The following FRMD4A variants were observed in gnomAD, a reference collection of about 807,000 sequenced individuals.
FRMD4A encodes FERM domain-containing protein 4A.
In FRMD4A, 29 loss-of-function variants were observed where a neutral mutation model predicts 129.1. That is an observed-to-expected ratio of 0.22 (90% CI 0.17 to 0.31). The LOEUF is 0.31. Among genes scored for constraint, FRMD4A ranks in the 10% least tolerant of loss-of-function variants. The pLI, the probability that FRMD4A is intolerant of heterozygous loss-of-function variation, is 1.00. For synonymous variants in FRMD4A, 634 were observed against 571.6 expected (o/e 1.11, Z -1.56); for missense variants, 1,272 against 1,375.8 (o/e 0.92, Z 1.19).
intron 2 of FRMD4A, among the ~76,000 whole-genome samples, chr10:13,974,037 T>C (rs1290445652): frequency 7.3e-6 from 1 of 137,688 alleles, no homozygotes; most frequent in East Asian, 2.5e-4. Flanking sequence ...TTTTTTTTTT[T>C]TTCTTTCTGG....
chr10:14,260,104 A>G (rs931570287), intron 2 of FRMD4A, among the ~76,000 whole-genome samples: 1 of 151,864 alleles, frequency 6.6e-6, no homozygotes, highest in Non-Finnish European at 1.5e-5. Flanking sequence ...ATCACTTGAC[A>G]TTGTGCAGGA....
At chr10:13,851,961 C>G (rs997152312) in intron 3 of FRMD4A, among the ~76,000 whole-genome samples, 1 of 151,224 alleles carries the variant, frequency 6.6e-6, no homozygotes, top group African/African-American at 2.4e-5. Context: ...GTGGGACCAT[C>G]TAGTTGCAGG....
intron 9 of FRMD4A, among the ~76,000 whole-genome samples, chr10:13,746,416 T>C (rs965520639): frequency 2.6e-5 from 4 of 152,112 alleles, no homozygotes; most frequent in African/African-American, 7.2e-5. Flanking sequence ...GGTTTCATCA[T>C]GTTGGCCAGG....
intron 2 of FRMD4A, among the ~76,000 whole-genome samples, chr10:13,925,174 C>T (rs1288961237): frequency 6.6e-6 from 1 of 151,242 alleles, no homozygotes; most frequent in African/African-American, 2.4e-5. Flanking sequence ...GCACTTACTT[C>T]TTTCAAGGAA....
chr10:14,248,709 A>T (rs937457757), intron 2 of FRMD4A, among the ~76,000 whole-genome samples: 1 of 152,246 alleles, frequency 6.6e-6, no homozygotes, highest in African/African-American at 2.4e-5. Flanking sequence ...AATGGCCTCC[A>T]ATGCTTGCAT....
chr10:13,799,061 C>G (rs1564822534), intron 4 of FRMD4A, among the ~76,000 whole-genome samples: 3 of 152,254 alleles, frequency 2.0e-5, no homozygotes, highest in Non-Finnish European at 4.4e-5. Context: ...CCTCCTCCGA[C>G]CCTTACAGCA....
intron 2 of FRMD4A, among the ~76,000 whole-genome samples, chr10:14,290,335 A>G (rs2132074036): frequency 6.6e-6 from 1 of 152,238 alleles, no homozygotes; most frequent in African/African-American, 2.4e-5. Flanking sequence ...GTATAATACA[A>G]AGGTATAATA....
rs566300985 is a variant in FRMD4A at position 14,137,312 on chromosome 10, C to G, written c.45+192746G>C. On this transcript the variant is annotated intron_variant, in intron 2 of 24. Transcript: ENST00000357447. Reference sequence around the variant, plus strand: ...TCTGAAACAAGATTTGCAGTCTACACACAAGCACATAGAGCTATTTGATCT... The same window carrying G: ...TCTGAAACAAGATTTGCAGTCTACAGACAAGCACATAGAGCTATTTGATCT... 3.9e-5 allele frequency among the ~76,000 whole-genome samples: 6 copies of G among 152,368 alleles called. No individual in the cohort carries two copies. In the East Asian group the frequency reaches 1.2e-3, roughly 29 times the overall value.
chr10:14,133,665 T>A (rs1839383329), intron 2 of FRMD4A, among the ~76,000 whole-genome samples: 1 of 152,230 alleles, frequency 6.6e-6, no homozygotes, highest in Non-Finnish European at 1.5e-5. Context: ...TTCTGTTCCC[T>A]GTTCTCACTC....
At chr10:14,045,934 C>T (rs1329560471) in intron 2 of FRMD4A, among the ~76,000 whole-genome samples, 2 of 147,014 alleles carry the variant, frequency 1.4e-5, no homozygotes, top group Non-Finnish European at 3.0e-5. Flanking sequence ...TGTATTAATA[C>T]ATATTCAATT....
intron 6 of FRMD4A, among the ~76,000 whole-genome samples, chr10:13,767,535 G>A (rs575047956): frequency 2.0e-5 from 3 of 152,288 alleles, no homozygotes; most frequent in Non-Finnish European, 2.9e-5. Flanking sequence ...CTCCGTGCCC[G>A]GCCAGAGGTG....
chr10:13,934,281 C>G (rs571023238), intron 2 of FRMD4A, among the ~76,000 whole-genome samples: 3 of 152,182 alleles, frequency 2.0e-5, no homozygotes, highest in Admixed American at 6.5e-5. Flanking sequence ...GAGGTGTAGA[C>G]AATCTAGATT....
At chr10:13,855,615 T>C (rs1286896778) in intron 3 of FRMD4A, among the ~76,000 whole-genome samples, 3 of 152,226 alleles carry the variant, frequency 2.0e-5, no homozygotes, top group African/African-American at 7.2e-5. Context: ...GTCTAAGGCT[T>C]ATTACAAATG....
At chr10:13,670,589 TAG>T in intron 16 of FRMD4A, 61 bp from the exon 17 acceptor site, 1 of 1,576,162 alleles carries the variant, frequency 6.3e-7, no homozygotes, top group South Asian at 1.1e-5. Context: ...GTCTGCTTCC[TAG>T]AACACACACA....
At chr10:14,172,791 A>G (rs1386257063) in intron 2 of FRMD4A, among the ~76,000 whole-genome samples, 4 of 152,208 alleles carry the variant, frequency 2.6e-5, no homozygotes, top group Non-Finnish European at 5.9e-5. Flanking sequence ...CTACATGCCC[A>G]GTGAGAACAA....
At chr10:14,244,544 T>C (rs375704850) in intron 2 of FRMD4A, among the ~76,000 whole-genome samples, 40 of 152,334 alleles carry the variant, frequency 2.6e-4, no homozygotes, top group African/African-American at 7.9e-4. Flanking sequence ...GATGTGATAT[T>C]TAAAGGTAGT....
At chr10:14,063,972 AG>A (rs1834936675) in intron 2 of FRMD4A, among the ~76,000 whole-genome samples, 1 of 152,224 alleles carries the variant, frequency 6.6e-6, no homozygotes, top group East Asian at 1.9e-4. Flanking sequence ...ACGGTTCAAA[AG>A]CTTAAGAGCA....
At chr10:13,752,199 G>A (rs1007057551) in intron 8 of FRMD4A, among the ~76,000 whole-genome samples, 7 of 152,172 alleles carry the variant, frequency 4.6e-5, no homozygotes, top group Non-Finnish European at 7.3e-5. Flanking sequence ...ATTGGTCTTC[G>A]ATTTAGTGGT....
intron 2 of FRMD4A, among the ~76,000 whole-genome samples, chr10:14,079,691 T>G (rs1004736223): frequency 5.9e-5 from 9 of 152,308 alleles, no homozygotes; most frequent in Admixed American, 5.2e-4. Context: ...AGTAAGACTG[T>G]GTGACAACAG....
Sources: allele counts gnomAD v4.1 joint callset (sites outside exome capture counted in the v4.1 genomes callset), GRCh38; gene constraint gnomAD v4.1.1; transcripts MANE v1.5; gene names NCBI Gene and HGNC (gene_info 2026-07-23, HGNC 2026-07-21).